SLC15A5: variants seen among roughly 807,000 people sequenced by gnomAD.
SLC15A5 encodes the protein solute carrier family 15 member 5.
A neutral mutation model predicts 56.1 loss-of-function variants in SLC15A5; 58 were observed. That is an observed-to-expected ratio of 1.03 (90% CI 0.84 to 1.29). SLC15A5 has a LOEUF of 1.29. Ranked by LOEUF, SLC15A5 falls within the 50% of genes most tolerant of loss-of-function variation. The pLI, the probability that SLC15A5 is intolerant of heterozygous loss-of-function variation, is 0.00. For missense variants in SLC15A5, 681 were observed against 672.1 expected, an observed-to-expected ratio of 1.01 and a Z score of -0.15; for synonymous variants, 264 against 250.5, an observed-to-expected ratio of 1.05 and a Z score of -0.51.
At position 16,260,382 on chromosome 12, in the gene SLC15A5, C is replaced by T. The variant is rs1864631435; in HGVS notation, c.585-2512G>A. Among the ~76,000 whole-genome samples, 4 of 152,114 alleles carry T rather than the reference C, an allele frequency of 2.6e-5. No homozygotes were observed. In the South Asian group the frequency reaches 8.3e-4, roughly 31 times the overall value. On this transcript the variant is annotated intron_variant, in intron 2 of 8. Transcript: ENST00000344941. ...CTGTCTTCTTTCCACCTTTTGGAAT[C>T]TCCCTACGTTCGTTTGTTGTGTTAA...
chr12:16,262,446 C>A (rs571549366), intron 2 of SLC15A5, among the ~76,000 whole-genome samples: 1 of 152,150 alleles, frequency 6.6e-6, no homozygotes, highest in African/African-American at 2.4e-5. Context: ...GGTCTGTGAT[C>A]TTCTACTCTC....
At chr12:16,214,229 T>C (rs1291900713) in intron 7 of SLC15A5, among the ~76,000 whole-genome samples, 1 of 152,254 alleles carries the variant, frequency 6.6e-6, no homozygotes, top group East Asian at 1.9e-4. Context: ...AGATTTTCAG[T>C]GAAATGCTTT....
At chr12:16,239,654 C>G (rs757878824) in intron 5 of SLC15A5, 27 bp downstream of exon 5, 1 of 1,525,448 alleles carries the variant, frequency 6.6e-7, no homozygotes, top group Admixed American at 2.0e-5. Flanking sequence ...TCAAACGATT[C>G]GCATGAAATG....
intron 3 of SLC15A5, among the ~76,000 whole-genome samples, chr12:16,246,733 C>T (rs1255758778): frequency 1.3e-5 from 2 of 152,092 alleles, no homozygotes; most frequent in African/African-American, 4.8e-5. Flanking sequence ...TTTAAACTCA[C>T]TAACCGTTTT....
At chr12:16,232,337 T>G (rs780304404) in intron 5 of SLC15A5, among the ~76,000 whole-genome samples, 9 of 152,220 alleles carry the variant, frequency 5.9e-5, no homozygotes, top group Admixed American at 2.6e-4. Flanking sequence ...AACACATTTA[T>G]AGATTTGAAG....
rs539981697 is a variant in SLC15A5, at chr12:16,216,035, G to T, written c.1483+858C>A. ...GTTGATTTTTTTCCATAGTTTGAAAGCAGGTAAATTAAATTTGTCTGTTAC... is the reference window on the plus strand; with the variant it reads ...GTTGATTTTTTTCCATAGTTTGAAATCAGGTAAATTAAATTTGTCTGTTAC... On this transcript the variant is annotated intron_variant, in intron 7 of 8. Transcript: ENST00000344941. Among the ~76,000 whole-genome samples the T allele has an allele frequency of 2.0e-5, 3 of 152,032 alleles. No homozygotes were observed. The South Asian group carries it at 6.2e-4, about 32-fold the overall frequency.
At chr12:16,241,447 A>G (rs1864414283) in intron 4 of SLC15A5, among the ~76,000 whole-genome samples, 1 of 152,222 alleles carries the variant, frequency 6.6e-6, no homozygotes, top group African/African-American at 2.4e-5. Flanking sequence ...GCCTATTGCC[A>G]TGTTAACTGC....
chr12:16,212,708 A>T (rs1326842978), intron 7 of SLC15A5, among the ~76,000 whole-genome samples: 2 of 152,198 alleles, frequency 1.3e-5, no homozygotes, highest in Non-Finnish European at 2.9e-5. Flanking sequence ...GTCCAATTCA[A>T]AAATTTTATC....
At chr12:16,275,933 A>G (rs1864813986) in intron 1 of SLC15A5, among the ~76,000 whole-genome samples, 1 of 151,980 alleles carries the variant, frequency 6.6e-6, no homozygotes, top group Non-Finnish European at 1.5e-5. Flanking sequence ...TAGCAGCCTC[A>G]TCACCATCCA....
At chr12:16,232,290 A>G (rs1381194595) in intron 5 of SLC15A5, among the ~76,000 whole-genome samples, 2 of 152,178 alleles carry the variant, frequency 1.3e-5, no homozygotes, top group Non-Finnish European at 2.9e-5. Flanking sequence ...TAGAGAAACA[A>G]CAAACCAAAA....
intron 5 of SLC15A5, among the ~76,000 whole-genome samples, chr12:16,232,637 C>T (rs1349303408): frequency 6.6e-6 from 1 of 152,082 alleles, no homozygotes; most frequent in Admixed American, 6.6e-5. Context: ...GACTTCTGGC[C>T]AGGTGCAGCA....
intron 6 of SLC15A5, among the ~76,000 whole-genome samples, chr12:16,218,974 C>T (rs1864159423): frequency 6.6e-6 from 1 of 152,072 alleles, no homozygotes; most frequent in South Asian, 2.1e-4. Context: ...TTTAAAATTT[C>T]TGTTTTACTT....
chr12:16,205,682 C>T (rs1213258262), intron 7 of SLC15A5, among the ~76,000 whole-genome samples: 2 of 150,728 alleles, frequency 1.3e-5, no homozygotes, highest in African/African-American at 4.9e-5. Context: ...AGCAATATGT[C>T]ACTCCATCTC....
At chr12:16,256,913 AATAG>A (rs55965104) in intron 3 of SLC15A5, among the ~76,000 whole-genome samples, 10,801 of 148,468 alleles carry the variant, frequency 0.073, 481 homozygotes, top group African/African-American at 0.12. Flanking sequence ...ATGCATGGGG[AATAG>A]ATAGATAGAT....
In SLC15A5 at chr12:16,272,644, T is replaced by C; in HGVS notation, c.501A>G (p.Gly167=). The C allele has an allele frequency of 6.5e-7, 1 of 1,537,026 alleles. No individual in the cohort carries two copies. The highest frequency in any genetic ancestry group is 1.7e-4 in the Middle Eastern group (1 of 5,988). Residue 167 remains glycine (G), a synonymous_variant, in exon 2 of 9, where the codon GGA becomes GGG. Coordinates refer to ENST00000344941, the MANE Select transcript of SLC15A5 (RefSeq NM_001170798.1). ...VALLTICLGI[G]GVRAIVCPLG... ...GTGGACAGACGATGGCTCTTACGCC[T>C]CCAATGCCAAGGCAAATGGTCAGCA...
chr12:16,269,210 G>A lies in SLC15A5; in HGVS notation c.584+3351C>T, dbSNP rs1006665445. Among the ~76,000 whole-genome samples, 1 of 152,168 alleles carries A rather than the reference G, an allele frequency of 6.6e-6. No homozygotes were observed. The highest frequency in any genetic ancestry group is 2.4e-5 in the African/African-American group (1 of 41,450). On this transcript the variant is annotated intron_variant, in intron 2 of 8. Transcript: ENST00000344941. The surrounding 1 kb of genome is among the most constrained non-coding windows in gnomAD (Gnocchi z 4.7). ...CTAAGACAGTACTTGTTTAAAATAT[G>A]CATTTCCCACCTGTCCTCCCAGAAA...
intron 6 of SLC15A5, among the ~76,000 whole-genome samples, chr12:16,222,317 A>C (rs1029724677): frequency 6.6e-6 from 1 of 151,860 alleles, no homozygotes; most frequent in Non-Finnish European, 1.5e-5. Flanking sequence ...CTTTAAGACC[A>C]TAGAGCCTAA....
At chr12:16,193,076 T>C (rs1863853293) in intron 8 of SLC15A5, among the ~76,000 whole-genome samples, 1 of 152,050 alleles carries the variant, frequency 6.6e-6, no homozygotes, top group Admixed American at 6.6e-5. Context: ...TGAGAATTGC[T>C]GGGTGAGCAC....
Position 16,244,867 on chromosome 12 carries a change from C to G in SLC15A5, c.755-67G>C, listed in dbSNP as rs1438743879. On this transcript the variant is annotated intron_variant, in intron 3 of 8. Coordinates refer to ENST00000344941, the MANE Select transcript of SLC15A5 (RefSeq NM_001170798.1). ...TTCTCCAGTTTTTCAAGATGCTGAT[C>G]AGAAAGATAACGATTCAAGGATTCA... The G allele has an allele frequency of 1.2e-5, 18 of 1,453,570 alleles. No homozygotes were observed. In the East Asian group the frequency reaches 2.2e-4, roughly 18 times the overall value. The allele number at this position is 1,453,570 out of a possible 1,614,324, so 90.0% of individuals were successfully genotyped here. A position where few individuals can be genotyped will look rare whatever the true frequency, so the allele number is the denominator to read the frequency against.
Sources: allele counts gnomAD v4.1 joint callset (sites outside exome capture counted in the v4.1 genomes callset), GRCh38; gene constraint gnomAD v4.1.1; non-coding constraint Gnocchi (gnomAD v3.1); transcripts MANE v1.5; gene names NCBI Gene and HGNC (gene_info 2026-07-23, HGNC 2026-07-21).